STAB2: variants seen among roughly 807,000 people sequenced by gnomAD.
STAB2 encodes the protein stabilin 2, also known as stabilin-2.
In STAB2, 288 loss-of-function variants were observed where a neutral mutation model predicts 338.1. The ratio of observed to expected loss-of-function variants is 0.85; its 90% CI spans 0.77 to 0.94. The LOEUF (loss-of-function observed/expected upper bound fraction) is 0.94, where lower values mean the gene tolerates loss of function less well. STAB2 is among the 40% of genes least tolerant of loss of function. The pLI, the probability that STAB2 is intolerant of heterozygous loss-of-function variation, is 0.00. For missense variants in STAB2, 3,141 were observed against 3,210.1 expected (o/e 0.98, Z 0.52); for synonymous variants, 1,202 against 1,193.3 (o/e 1.01, Z -0.15).
In STAB2 at chr12:103,730,154, C is replaced by T. The variant is rs752110903; in HGVS notation, c.5121C>T (p.Ser1707=). The T allele has an allele frequency of 3.1e-6, 5 of 1,612,400 alleles. No individual in the cohort carries two copies. The highest frequency in any genetic ancestry group is 2.5e-6 in the Non-Finnish European group (3 of 1,179,344). The change falls in exon 49 of 69, where the codon TCC becomes TCT. Residue 1707 remains serine (S), a synonymous_variant. Transcript: ENST00000388887. ...VYINNKAKII[S]SDIISTNGIV... is the part of the protein sequence containing the mutation. ...TAAACAATAAGGCTAAGATCATATC[C>T]AGTGATATCATCAGTACTAATGGGA... is the stretch of plus-strand genomic sequence containing the variant.
intron 63 of STAB2, 56 bp downstream of exon 63, chr12:103,755,774 G>A (rs1884059510): frequency 6.5e-7 from 1 of 1,546,028 alleles, no homozygotes; most frequent in East Asian, 2.2e-5. Flanking sequence ...CCTCAAAGCA[G>A]GTATTAGAGG....
intron 53 of STAB2, among the ~76,000 whole-genome samples, chr12:103,738,955 T>C (rs1416557461): frequency 6.6e-6 from 1 of 152,016 alleles, no homozygotes; most frequent in Non-Finnish European, 1.5e-5. Context: ...TTAGTGTGTG[T>C]GTGTTGATAT....
At position 103,712,449 on chromosome 12, in the gene STAB2, C is replaced by T. The variant is rs374830406; in HGVS notation, c.4411+6C>T. 3.2e-5 allele frequency: 52 copies of T among 1,611,016 alleles called. No homozygotes were observed. The highest frequency in any genetic ancestry group is 3.9e-5 in the Non-Finnish European group (46 of 1,177,630). ...AAACGGGACCATCTGCACAGGCAAG[C>T]GAAGGAAGGAATTTGCTGGGGGGGC... is the stretch of plus-strand genomic sequence containing the variant. On this transcript the variant is annotated splice_donor_region_variant and intron_variant, in intron 41 of 68. Coordinates refer to ENST00000388887, the MANE Select transcript of STAB2 (RefSeq NM_017564.10).
chr12:103,740,489 G>GA (rs1041493330), intron 54 of STAB2, 141 bp from the exon 55 acceptor site: 2,064 of 1,110,596 alleles, frequency 1.9e-3, no homozygotes, highest in Middle Eastern at 3.0e-3. Context: ...TATCACCTTG[G>GA]AAAAAAAAAG....
chr12:103,722,893 A>C (rs186608332), intron 44 of STAB2, among the ~76,000 whole-genome samples: 1 of 152,232 alleles, frequency 6.6e-6, no homozygotes, highest in Non-Finnish European at 1.5e-5. Context: ...AGGTGGAGAC[A>C]TCACCCTCAG....
rs754127526 is a variant in STAB2, at chr12:103,712,448, G to A, written c.4411+5G>A. ...GAAACGGGACCATCTGCACAGGCAA[G>A]CGAAGGAAGGAATTTGCTGGGGGGG... On this transcript the variant is annotated splice_donor_5th_base_variant and intron_variant, in intron 41 of 68. Coordinates refer to ENST00000388887, the MANE Select transcript of STAB2 (RefSeq NM_017564.10). The A allele has an allele frequency of 1.9e-6, 3 of 1,611,844 alleles. No homozygotes were observed. The South Asian group carries it at 3.3e-5, about 18-fold the overall frequency.
rs780241273 is a variant in STAB2 at position 103,650,508 on chromosome 12, C to A, written c.1187C>A (p.Ala396Asp). ...TTCGACTCCTAAGACAAAGCTTATG[C>A]CTGGCCACTGAGTAAGCTGGGACCC... ...SFISLLDKAY[A>D]WPLSKLGPFT... is the part of the protein sequence containing the mutation. Residue 396 changes from alanine (A) to aspartate (D), a missense_variant, in exon 11 of 69, where the codon GCC (alanine) becomes GAC (aspartate). Physicochemically the swap from Ala to Asp is moderately radical, Grantham distance 126. Coordinates refer to ENST00000388887, the MANE Select transcript of STAB2 (RefSeq NM_017564.10). 12 of 1,612,950 alleles carry A rather than the reference C, an allele frequency of 7.4e-6. No individual in the cohort carries two copies. The South Asian group carries it at 1.3e-4, about 18-fold the overall frequency.
chr12:103,693,358 G>C (rs955642544), intron 31 of STAB2, among the ~76,000 whole-genome samples: 1 of 151,970 alleles, frequency 6.6e-6, no homozygotes, highest in African/African-American at 2.4e-5. Context: ...GATCACTTGA[G>C]CCCAGGAGGT....
At chr12:103,655,112 C>G (rs1423285265) in intron 13 of STAB2, 139 bp from the exon 14 acceptor site, 2 of 791,040 alleles carry the variant, frequency 2.5e-6, no homozygotes, top group African/African-American at 3.5e-5. Flanking sequence ...TTATATAATG[C>G]ATTGCAGTTG....
intron 68 of STAB2, 43 bp downstream of exon 68, chr12:103,763,651 C>T (rs1437248944): frequency 1.3e-6 from 2 of 1,534,218 alleles, no homozygotes; most frequent in Non-Finnish European, 1.8e-6. Flanking sequence ...CCTTGGGGTA[C>T]AGGGGAATGA....
intron 58 of STAB2, 66 bp from the exon 59 acceptor site, chr12:103,748,897 C>A: frequency 6.5e-7 from 1 of 1,543,848 alleles, no homozygotes; most frequent in Non-Finnish European, 8.8e-7. Flanking sequence ...GTGCCCCATA[C>A]CCTGACCTGA....
intron 9 of STAB2, among the ~76,000 whole-genome samples, chr12:103,643,721 T>C (rs887505695): frequency 5.9e-5 from 9 of 151,956 alleles, no homozygotes; most frequent in African/African-American, 2.2e-4. Context: ...ACCTACCTTA[T>C]AGGGTTGTTG....
chr12:103,652,771 C>A, intron 12 of STAB2, 66 bp downstream of exon 12: 1 of 1,432,684 alleles, frequency 7.0e-7, no homozygotes. Context: ...CCATATCCTT[C>A]TCTCTCTTTT....
chr12:103,687,940 C>T (rs1246698448), intron 27 of STAB2, among the ~76,000 whole-genome samples: 1 of 152,212 alleles, frequency 6.6e-6, no homozygotes, highest in Non-Finnish European at 1.5e-5. Context: ...TAGAGAATAA[C>T]CAAGCCACCT....
intron 61 of STAB2, among the ~76,000 whole-genome samples, chr12:103,753,663 T>C (rs1883866918): frequency 6.6e-6 from 1 of 152,260 alleles, no homozygotes; most frequent in South Asian, 2.1e-4. Context: ...CAGTGCCTGA[T>C]GTCACCCAGC....
intron 38 of STAB2, 72 bp downstream of exon 38, chr12:103,707,059 T>TC: frequency 1.3e-6 from 2 of 1,534,436 alleles, no homozygotes; most frequent in Non-Finnish European, 1.8e-6. Flanking sequence ...GAAAGAGTGA[T>TC]CCCACACGTG....
intron 59 of STAB2, 67 bp from the exon 60 acceptor site, chr12:103,750,511 TG>T: frequency 6.3e-7 from 1 of 1,588,946 alleles, no homozygotes. Context: ...ATTGGTCCCA[TG>T]GGCACTTGGG....
chr12:103,665,057 G>T (rs1161304048), intron 18 of STAB2, among the ~76,000 whole-genome samples: 1 of 152,110 alleles, frequency 6.6e-6, no homozygotes, highest in Non-Finnish European at 1.5e-5. Flanking sequence ...AAAGAATTTT[G>T]GTTACATAAG....
chr12:103,728,332 A>T (rs1294897644), intron 47 of STAB2, among the ~76,000 whole-genome samples: 3 of 151,390 alleles, frequency 2.0e-5, no homozygotes, highest in Admixed American at 2.0e-4. Flanking sequence ...CTGGTCTCGA[A>T]CTCCTGGCCT....
Sources: gnomAD v4.1 joint callset for allele counts (sites outside exome capture counted in the v4.1 genomes callset) on GRCh38, gnomAD v4.1.1 for gene constraint, MANE v1.5 for transcripts, NCBI Gene and HGNC (gene_info 2026-07-23, HGNC 2026-07-21) for gene names.